The following DOCK10 variants were observed in gnomAD, a reference collection of about 807,000 sequenced individuals.
DOCK10 encodes the protein dedicator of cytokinesis 10.
DOCK10 carries 145 observed loss-of-function variants against 280.1 expected under a neutral mutation model. The observed-to-expected ratio is 0.52, with a 90% CI of 0.45 to 0.59. The LOEUF (loss-of-function observed/expected upper bound fraction) is 0.59. Ranked by LOEUF, DOCK10 falls within the 20% of genes least tolerant of loss-of-function variation. The probability of loss-of-function intolerance (pLI) is 0.00; values close to 1 mark genes in which losing one functional copy is unlikely to be tolerated. For missense variants in DOCK10, 2,368 were observed against 2,651.7 expected, an observed-to-expected ratio of 0.89 and a Z score of 2.35; for synonymous variants, 915 against 942.2, an observed-to-expected ratio of 0.97 and a Z score of 0.53.
At chr2:224,828,857 T>C (rs894697835) in intron 27 of DOCK10, among the ~76,000 whole-genome samples, 4 of 152,066 alleles carry the variant, frequency 2.6e-5, no homozygotes, top group African/African-American at 9.7e-5. Flanking sequence ...ACAATGGTGG[T>C]ACATCATATT....
chr2:224,772,566 C>T (rs751609614), intron 53 of DOCK10, among the ~76,000 whole-genome samples: 1 of 152,334 alleles, frequency 6.6e-6, no homozygotes, highest in South Asian at 2.1e-4. Flanking sequence ...ACCCTCCTCT[C>T]CTTGCATCTT....
intron 18 of DOCK10, among the ~76,000 whole-genome samples, chr2:224,850,159 A>C (rs910673961): frequency 4.6e-5 from 7 of 152,106 alleles, no homozygotes; most frequent in Admixed American, 3.3e-4. Flanking sequence ...GAAACCCATA[A>C]AGGTAGAAGC....
chr2:224,817,827 G>A lies in DOCK10; in HGVS notation c.3268-1114C>T, dbSNP rs1438411466. On this transcript the variant is annotated intron_variant, in intron 29 of 55. Coordinates refer to ENST00000258390, the MANE Select transcript of DOCK10 (RefSeq NM_014689.3). ...CTGCACCCCATCTCCCAAAAATAAT[G>A]TTTAAGCAACTAAGCATGACGTGAA... Among the ~76,000 whole-genome samples, 3 of 152,170 alleles carry A rather than the reference G, an allele frequency of 2.0e-5. No homozygotes were observed. The East Asian group carries it at 5.8e-4, about 29-fold the overall frequency.
intron 1 of DOCK10, among the ~76,000 whole-genome samples, chr2:224,997,212 T>A (rs1381031631): frequency 3.2e-5 from 3 of 92,524 alleles, no homozygotes; most frequent in Non-Finnish European, 4.2e-5. Context: ...CTCCCTTCCC[T>A]CCCTCCCTTC....
At chr2:225,004,568 A>G (rs1048877695) in intron 1 of DOCK10, among the ~76,000 whole-genome samples, 2 of 152,242 alleles carry the variant, frequency 1.3e-5, no homozygotes, top group African/African-American at 4.8e-5. Context: ...GGAAGCTCAG[A>G]GAGGTTAAAT....
chr2:224,794,976 T>C lies in DOCK10; in HGVS notation c.5057A>G (p.Tyr1686Cys). Residue 1686 changes from tyrosine (Y) to cysteine (C), a missense_variant, in exon 45 of 56, where the codon TAC (tyrosine) becomes TGC (cysteine). Physicochemically the swap from Tyr to Cys is radical, Grantham distance 194. This residue lies in a region of DOCK10 where 1,159 missense variants were observed against 1,400.8 expected (regional missense o/e 0.83). Coordinates refer to ENST00000258390, the MANE Select transcript of DOCK10 (RefSeq NM_014689.3). ...GCTTGCGTAGGAGTTTGCCAGGCTG[T>C]ACTGGAGATCCACCAGCATCTCGGG... The part of the protein sequence containing the change: ...KDPEMLVDLQ[Y>C]SLANSYASTP... The C allele has an allele frequency of 6.2e-7, 1 of 1,613,962 alleles. No homozygotes were observed. The highest frequency in any genetic ancestry group is 1.1e-5 in the South Asian group (1 of 91,074).
Position 224,765,793 on chromosome 2 carries a change from G to A in DOCK10, c.6489C>T (p.Thr2163=), listed in dbSNP as rs758069003. ...DDLSKRGVDQ[T]CTRVISKATP... is the part of the protein sequence containing the mutation. ...TTGCTTTGCTAATTACTCGAGTGCA[G>A]GTTTGGTCCACTCCGCGCTTTGACA... Residue 2163 remains threonine (T), a synonymous_variant, in exon 56 of 56, where the codon ACC becomes ACT. Coordinates refer to ENST00000258390, the MANE Select transcript of DOCK10 (RefSeq NM_014689.3). The A allele has an allele frequency of 1.9e-6, 3 of 1,613,886 alleles. No individual in the cohort carries two copies. Among genetic ancestry groups the A allele is most frequent in the Non-Finnish European group, 2.5e-6 (3 of 1,179,864 alleles).
In DOCK10 at chr2:224,852,402, T is replaced by A. The variant is rs2125547174; in HGVS notation, c.2117A>T (p.Asp706Val). 1.9e-6 allele frequency: 3 copies of A among 1,572,558 alleles called. No homozygotes were observed. Among genetic ancestry groups the A allele is most frequent in the Admixed American group, 1.9e-5 (1 of 53,916 alleles). The change falls in exon 18 of 56, where the codon GAT becomes GTT. Residue 706 changes from aspartate (D) to valine (V), a missense_variant. Asp to Val is a radical substitution (Grantham distance 152, BLOSUM62 -3). Transcript: ENST00000258390. ...CTTCAGGGGCTTGGCACTTTCTTCATCTGAATTTTTGAATTCAATGCACAC... is the reference window on the plus strand; with the variant it reads ...CTTCAGGGGCTTGGCACTTTCTTCAACTGAATTTTTGAATTCAATGCACAC... ...ITVCIEFKNSDEESAKPLKCI... is the reference protein window; with the variant it reads ...ITVCIEFKNSVEESAKPLKCI...
chr2:224,971,876 AGTATT>A (rs1202172317), intron 1 of DOCK10, among the ~76,000 whole-genome samples: 1 of 152,212 alleles, frequency 6.6e-6, no homozygotes, highest in Non-Finnish European at 1.5e-5. Flanking sequence ...AAAACTATGA[AGTATT>A]GTAATAATTT....
intron 1 of DOCK10, among the ~76,000 whole-genome samples, chr2:225,000,060 G>T (rs575498242): frequency 5.1e-4 from 78 of 152,310 alleles, no homozygotes; most frequent in African/African-American, 1.8e-3. Flanking sequence ...AAAGGGAAGA[G>T]ATGTGAATTT....
At chr2:224,965,331 G>C (rs957825898) in intron 1 of DOCK10, among the ~76,000 whole-genome samples, 1 of 152,098 alleles carries the variant, frequency 6.6e-6, no homozygotes, top group Non-Finnish European at 1.5e-5. Context: ...AAAAGTACCC[G>C]TTTTCTGACT....
intron 4 of DOCK10, among the ~76,000 whole-genome samples, chr2:224,895,841 G>GTATATA (rs71410338): frequency 0.015 from 2,030 of 136,102 alleles, 37 homozygotes; most frequent in African/African-American, 0.056. Flanking sequence ...GCGTGTGTGT[G>GTATATA]TATATATATA....
At chr2:224,912,481 T>C (rs1434424543) in intron 3 of DOCK10, among the ~76,000 whole-genome samples, 1 of 152,078 alleles carries the variant, frequency 6.6e-6, no homozygotes, top group Non-Finnish European at 1.5e-5. Context: ...TTTTCCAAAA[T>C]AGCTTTTAAA....
intron 1 of DOCK10, among the ~76,000 whole-genome samples, chr2:225,041,051 G>A (rs951507087): frequency 2.0e-5 from 3 of 151,896 alleles, no homozygotes; most frequent in Non-Finnish European, 4.4e-5. Context: ...ACCCCCGCCC[G>A]CTCTACACCC....
chr2:225,013,421 CTA>C (rs1485347509), intron 1 of DOCK10, among the ~76,000 whole-genome samples: 2 of 152,178 alleles, frequency 1.3e-5, no homozygotes, highest in Non-Finnish European at 2.9e-5. Context: ...TCCGAAAGTA[CTA>C]TGTCTCAGAA....
At chr2:224,977,471 T>G (rs935638002) in intron 1 of DOCK10, among the ~76,000 whole-genome samples, 13 of 152,156 alleles carry the variant, frequency 8.5e-5, no homozygotes, top group African/African-American at 3.1e-4. Context: ...GGGTTGGTGA[T>G]GAGTAAATGA....
chr2:224,886,269 T>G, intron 5 of DOCK10, 84 bp from the exon 6 acceptor site: 2 of 1,568,056 alleles, frequency 1.3e-6, no homozygotes, highest in Non-Finnish European at 1.7e-6. Flanking sequence ...AGACTCCTCT[T>G]CCTCTCTTTG....
chr2:224,858,580 G>A (rs1697297734), intron 14 of DOCK10, among the ~76,000 whole-genome samples: 1 of 152,180 alleles, frequency 6.6e-6, no homozygotes, highest in Non-Finnish European at 1.5e-5. Context: ...CTTGAACCTG[G>A]GGGGCGAAGG....
In DOCK10 at chr2:224,874,740, T is replaced by C; in HGVS notation, c.943A>G (p.Asn315Asp). 6.2e-7 allele frequency: 1 copy of C among 1,613,748 alleles called. No homozygotes were observed. The highest frequency in any genetic ancestry group is 8.5e-7 in the Non-Finnish European group (1 of 1,179,674). The change falls in exon 9 of 56, where the codon AAT becomes GAT. Residue 315 changes from asparagine to aspartate, a missense_variant. Transcript: ENST00000258390. ...LTDLGLDSLD[N>D]SVTCECTPEE... is the part of the protein sequence containing the mutation. ...GGCGTGCATTCACAAGTTACAGAAT[T>C]ATCCAGCGAATCTTAAAAAGATATA...
Sources: allele counts gnomAD v4.1 joint callset (sites outside exome capture counted in the v4.1 genomes callset), GRCh38; gene constraint gnomAD v4.1.1; regional missense constraint gnomAD v4.1.1; transcripts MANE v1.5; gene names NCBI Gene and HGNC (gene_info 2026-07-23, HGNC 2026-07-21).